Variants in NCL observed in about 807,000 individuals in gnomAD.
The protein encoded by NCL is nucleolin multifunctional protein.
A neutral mutation model predicts 77.7 loss-of-function variants in NCL; 4 were observed. That is an observed-to-expected ratio of 0.05 (90% CI 0.03 to 0.12). NCL has a LOEUF of 0.12. NCL is among the 10% of genes least tolerant of loss of function. NCL has a pLI of 1.00. For synonymous variants in NCL, 344 were observed against 297.8 expected, an observed-to-expected ratio of 1.16 and a Z score of -1.60; for missense variants, 763 against 860.9, an observed-to-expected ratio of 0.89 and a Z score of 1.42.
intron 1 of NCL, chr2:231,464,015 G>A (rs2046976607): frequency 5.8e-6 from 5 of 854,844 alleles, no homozygotes; most frequent in East Asian, 5.4e-5. Context: ...GGGCACGTGC[G>A]TCAGGAGTCG....
rs1269018533 is a variant in NCL at position 231,453,925 on chromosome 2, T to G, written c.*1266A>C. 6.6e-6 allele frequency: 1 copy of G among 152,254 alleles called. No homozygotes were observed. The highest frequency in any genetic ancestry group is 1.5e-5 in the Non-Finnish European group (1 of 68,046). 9.4% of individuals were successfully genotyped at this position (152,254 alleles called of 1,614,324 possible). A position where few individuals can be genotyped will look rare whatever the true frequency, so the allele number is the denominator to read the frequency against. On this transcript the variant is annotated 3_prime_UTR_variant, in exon 14 of 14. Coordinates refer to ENST00000322723, the MANE Select transcript of NCL (RefSeq NM_005381.3). ...GGCTACCTACATTGATTTTGGGCACTGGGTTTCAAGTAAATTCATCACAAT... is the reference window on the plus strand; with the variant it reads ...GGCTACCTACATTGATTTTGGGCACGGGGTTTCAAGTAAATTCATCACAAT...
chr2:231,455,958 C>G (rs1234943600), intron 12 of NCL, 52 bp downstream of exon 12: 5 of 1,613,928 alleles, frequency 3.1e-6, no homozygotes, highest in East Asian at 2.2e-5. Context: ...AAGGTCTGCA[C>G]AGAACAAAAA....
chr2:231,454,084 G>A lies in NCL; in HGVS notation c.*1107C>T, dbSNP rs1221916110. On this transcript the variant is annotated 3_prime_UTR_variant, in exon 14 of 14. Coordinates refer to ENST00000322723, the MANE Select transcript of NCL (RefSeq NM_005381.3). ...TGGCTTTTTGGGGGTTTACTGGATG[G>A]GCAGTTTCCTCCCCAGCCCCAAGGT... 6.6e-6 allele frequency: 1 copy of A among 152,252 alleles called. No homozygotes were observed. Among genetic ancestry groups the A allele is most frequent in the African/African-American group, 2.4e-5 (1 of 41,432 alleles). The allele number at this position is 152,252 out of a possible 1,614,324, so 9.4% of individuals were successfully genotyped here.
In NCL at chr2:231,461,617, G is replaced by A; in HGVS notation, c.536C>T (p.Ala179Val). ...EIEPAAMKAA[A>V]AAPASEDEDD... ...CTCATCCTCTGAGGCAGGGGCAGCA[G>A]CTGCTGCTTTCATCGCTGCTGGTTC... Residue 179 changes from alanine (A) to valine (V), a missense_variant, in exon 3 of 14, where the codon GCT becomes GTT. Physicochemically the swap from Ala to Val is moderately conservative, Grantham distance 64. This residue lies in a region of NCL where 590 missense variants were observed against 570.5 expected (regional missense o/e 1.03). Coordinates refer to ENST00000322723, the MANE Select transcript of NCL (RefSeq NM_005381.3). The A allele has an allele frequency of 6.2e-7, 1 of 1,608,464 alleles. No homozygotes were observed. Among genetic ancestry groups the A allele is most frequent in the Non-Finnish European group, 8.5e-7 (1 of 1,174,900 alleles).
At position 231,457,099 on chromosome 2, in the gene NCL, G is replaced by A; in HGVS notation, c.1473C>T (p.Ser491=). ...WSGESKTLVL[S]NLSYSATEET... is the part of the protein sequence containing the mutation. ...CTTCTGTTGCACTGTAGGAGAGGTTGCTTAAAACCAGAGTTTTTGATTCAC... is the reference window on the plus strand; with the variant it reads ...CTTCTGTTGCACTGTAGGAGAGGTTACTTAAAACCAGAGTTTTTGATTCAC... Residue 491 remains serine (S), a synonymous_variant, in exon 10 of 14, where the codon AGC becomes AGT. Transcript: ENST00000322723. 1 of 1,613,804 alleles carries A rather than the reference G, an allele frequency of 6.2e-7. No individual in the cohort carries two copies. The highest frequency in any genetic ancestry group is 8.5e-7 in the Non-Finnish European group (1 of 1,179,906).
Position 231,456,075 on chromosome 2 carries a change from C to T in NCL, c.1767G>A (p.Lys589=), listed in dbSNP as rs765628776. The T allele has an allele frequency of 1.2e-6, 2 of 1,614,168 alleles. No homozygotes were observed. The highest frequency in any genetic ancestry group is 1.7e-5 in the Admixed American group (1 of 60,022). The change falls in exon 12 of 14, where the codon AAG becomes AAA. Residue 589 remains lysine (K), a synonymous_variant. Coordinates refer to ENST00000322723, the MANE Select transcript of NCL (RefSeq NM_005381.3). ...CCCGAACGGAGCCGTCAAATGACTC[C>T]TTTAATGTCTCTTCAGTGGTATCCT... ...LSEDTTEETL[K]ESFDGSVRAR...
Position 231,454,862 on chromosome 2 carries a change from AAAAAC to A in NCL, c.*324_*328del, listed in dbSNP as rs931121072. ...CCACGAACGCAAAAAAAAAAAAAAC[AAAAAC>A]AAAACAAAAAAAAGAAACAACAACA... On this transcript the variant is annotated 3_prime_UTR_variant, in exon 14 of 14. Transcript: ENST00000322723. The A allele has an allele frequency of 1.8e-4, 35 of 197,882 alleles. No homozygotes were observed. The highest frequency in any genetic ancestry group is 5.8e-4 in the African/African-American group (25 of 42,836). 12.3% of individuals were successfully genotyped at this position (197,882 alleles called of 1,614,324 possible). A position where few individuals can be genotyped will look rare whatever the true frequency, so the allele number is the denominator to read the frequency against.
In NCL at chr2:231,457,719, T is replaced by A. The variant is rs1272639204; in HGVS notation, c.1371A>T (p.Arg457=). The change falls in exon 9 of 14, where the codon CGA becomes CGT. Residue 457 remains arginine (R), a synonymous_variant. Transcript: ENST00000322723. ...EEKQGTEIDG[R]SISLYYTGEK... is the part of the protein sequence containing the mutation. ...CTCCAGTATAGTACAGGGAAATAGA[T>A]CGCCCATCGATCTCTGTTCCCTGCT... 1 of 1,612,688 alleles carries A rather than the reference T, an allele frequency of 6.2e-7. No homozygotes were observed. Among genetic ancestry groups the A allele is most frequent in the Non-Finnish European group, 8.5e-7 (1 of 1,179,026 alleles).
intron 9 of NCL, chr2:231,457,353 AT>A: frequency 1.3e-6 from 1 of 775,552 alleles, no homozygotes; most frequent in Non-Finnish European, 2.3e-6. Flanking sequence ...TTTTCCTAGA[AT>A]CATCTGAGTT....
At position 231,461,615 on chromosome 2, in the gene NCL, C is replaced by G. The variant is rs573115971; in HGVS notation, c.538G>C (p.Ala180Pro). 6.2e-6 allele frequency: 10 copies of G among 1,608,804 alleles called. No individual in the cohort carries two copies. The highest frequency in any genetic ancestry group is 8.5e-6 in the Non-Finnish European group (10 of 1,175,132). ...TCCTCATCCTCTGAGGCAGGGGCAGCAGCTGCTGCTTTCATCGCTGCTGGT... is the reference window on the plus strand; with the variant it reads ...TCCTCATCCTCTGAGGCAGGGGCAGGAGCTGCTGCTTTCATCGCTGCTGGT... Reference protein sequence around the residue: ...IEPAAMKAAAAAPASEDEDDE... With the variant: ...IEPAAMKAAAPAPASEDEDDE... Residue 180 changes from alanine to proline, a missense_variant, in exon 3 of 14, where the codon GCT (alanine) becomes CCT (proline). Ala to Pro is a conservative substitution (Grantham distance 27). Around this residue, in one of 2 missense-constraint regions of NCL, gnomAD observed 590 missense variants for 570.5 expected, o/e 1.03. Coordinates refer to ENST00000322723, the MANE Select transcript of NCL (RefSeq NM_005381.3).
At position 231,461,654 on chromosome 2, in the gene NCL, C is replaced by T; in HGVS notation, c.499G>A (p.Glu167Lys). Residue 167 changes from glutamate to lysine, a missense_variant, in exon 3 of 14, where the codon GAA becomes AAA. Glu to Lys is a moderately conservative substitution (Grantham distance 56, BLOSUM62 1). This residue lies in a region of NCL where 590 missense variants were observed against 570.5 expected (regional missense o/e 1.03). Coordinates refer to ENST00000322723, the MANE Select transcript of NCL (RefSeq NM_005381.3). The stretch of plus-strand genomic sequence containing the variant: ...ATCGCTGCTGGTTCAATTTCATCTT[C>T]ATCCTCATCCTCGTCCTCGTCATCC... ...EEDDEDEDEDEDEIEPAAMKA... is the reference protein window; with the variant it reads ...EEDDEDEDEDKDEIEPAAMKA... The T allele has an allele frequency of 6.2e-7, 1 of 1,610,754 alleles. No individual in the cohort carries two copies. The highest frequency in any genetic ancestry group is 8.5e-7 in the Non-Finnish European group (1 of 1,176,926).
chr2:231,463,912 G>A (rs1046519982), intron 1 of NCL: 2 of 200,032 alleles, frequency 1.0e-5, no homozygotes, highest in Non-Finnish European at 2.0e-5. Context: ...CTCCGACTAG[G>A]GCCGATACCG....
At position 231,457,110 on chromosome 2, in the gene NCL, G is replaced by A; in HGVS notation, c.1462C>T (p.Leu488=). The A allele has an allele frequency of 6.2e-7, 1 of 1,613,748 alleles. No homozygotes were observed. Among genetic ancestry groups the A allele is most frequent in the Non-Finnish European group, 8.5e-7 (1 of 1,179,898 alleles). ...CTGTAGGAGAGGTTGCTTAAAACCAGAGTTTTTGATTCACCTGCAAATAGA... is the reference window on the plus strand; with the variant it reads ...CTGTAGGAGAGGTTGCTTAAAACCAAAGTTTTTGATTCACCTGCAAATAGA... ...NSTWSGESKT[L]VLSNLSYSAT... Residue 488 remains leucine, a synonymous_variant, in exon 10 of 14, where the codon CTG becomes TTG. Transcript: ENST00000322723.
Position 231,455,140 on chromosome 2 carries a change from A to T in NCL, c.*51T>A. The T allele has an allele frequency of 6.2e-7, 1 of 1,602,898 alleles. No individual in the cohort carries two copies. On this transcript the variant is annotated 3_prime_UTR_variant, in exon 14 of 14. Transcript: ENST00000322723. ...TGTCATTGATCAGGTAACAGTAAAA[A>T]CCCCAGAGTCCTTTCTTTCAAATGG...
intron 1 of NCL, 177 bp downstream of exon 1, chr2:231,464,159 C>A: frequency 7.1e-7 from 1 of 1,418,242 alleles, no homozygotes; most frequent in Non-Finnish European, 9.3e-7. Context: ...AAGCTCTTCA[C>A]CTCGCCACCA....
At chr2:231,458,555 A>G in intron 7 of NCL, 166 bp from the exon 8 acceptor site, 1 of 852,934 alleles carries the variant, frequency 1.2e-6, no homozygotes, top group East Asian at 2.7e-5. Context: ...GTGTCAACAC[A>G]CAAGTGGTCC....
rs16828079 is a variant in NCL, at chr2:231,456,087, T to C, written c.1755A>G (p.Glu585=). Residue 585 remains glutamate, a synonymous_variant, in exon 12 of 14, where the codon GAA becomes GAG. Coordinates refer to ENST00000322723, the MANE Select transcript of NCL (RefSeq NM_005381.3). ...CGTCAAATGACTCCTTTAATGTCTC[T>C]TCAGTGGTATCCTCAGACAGGCCTT... ...FVKGLSEDTT[E]ETLKESFDGS... is the part of the protein sequence containing the mutation. 1.7e-3 allele frequency: 2,756 copies of C among 1,614,182 alleles called. 41 individuals are homozygous for C. In the African/African-American group the frequency reaches 0.033, roughly 19 times the overall value.
At chr2:231,456,528 T>A in intron 11 of NCL, 103 bp downstream of exon 11, 1 of 1,509,626 alleles carries the variant, frequency 6.6e-7, no homozygotes, top group Non-Finnish European at 9.2e-7. Flanking sequence ...TATCCAGTTA[T>A]TGTTCACTCA....
At chr2:231,463,466 G>C (rs1559543309) in intron 1 of NCL, 150 bp from the exon 2 acceptor site, 2 of 699,394 alleles carry the variant, frequency 2.9e-6, no homozygotes, top group Non-Finnish European at 5.1e-6. Context: ...AACTACTCCT[G>C]ATGGCAATGC....
Sources: allele counts gnomAD v4.1 joint callset, GRCh38; gene constraint gnomAD v4.1.1; regional missense constraint gnomAD v4.1.1; transcripts MANE v1.5; gene names NCBI Gene and HGNC (gene_info 2026-07-23, HGNC 2026-07-21).